Variants in SLCO5A1 observed in about 807,000 individuals in gnomAD.
SLCO5A1 encodes the protein solute carrier organic anion transporter family member 5A1.
Under a neutral mutation model 65.1 loss-of-function variants are expected in SLCO5A1, and 39 were observed. That is an observed-to-expected ratio of 0.60 (90% CI 0.46 to 0.78). The LOEUF is 0.78. Among genes scored for constraint, SLCO5A1 ranks in the 30% least tolerant of loss-of-function variants. The probability of loss-of-function intolerance (pLI) is 0.00; values close to 1 mark genes in which losing one functional copy is unlikely to be tolerated. For synonymous variants in SLCO5A1, 438 were observed against 415.7 expected (o/e 1.05, Z -0.65); for missense variants, 1,029 against 1,069.4 (o/e 0.96, Z 0.53).
chr8:69,767,897 AAAAAAAAAAAAAAAC>A (rs1181401228), intron 2 of SLCO5A1, among the ~76,000 whole-genome samples: 4 of 138,076 alleles, frequency 2.9e-5, no homozygotes, highest in Non-Finnish European at 6.0e-5. Context: ...CTCAAAAAAA[AAAAAAAAAAAAAAAC>A]AAAAAGAAAA....
chr8:69,756,490 C>T (rs1817547257), intron 3 of SLCO5A1, among the ~76,000 whole-genome samples: 1 of 152,190 alleles, frequency 6.6e-6, no homozygotes, highest in Admixed American at 6.5e-5. Flanking sequence ...CCAACAAAGA[C>T]ATTTAAACTT....
chr8:69,752,609 A>G (rs566672710), intron 4 of SLCO5A1, among the ~76,000 whole-genome samples: 1 of 150,938 alleles, frequency 6.6e-6, no homozygotes, highest in Non-Finnish European at 1.5e-5. Flanking sequence ...CTAATTGAAC[A>G]TCATTTTATA....
intron 2 of SLCO5A1, among the ~76,000 whole-genome samples, chr8:69,771,994 G>C (rs931915493): frequency 2.0e-5 from 3 of 152,138 alleles, no homozygotes; most frequent in African/African-American, 7.2e-5. Context: ...TCTAGAGATG[G>C]GGAGAAATTG....
At chr8:69,742,168 G>A (rs1816813058) in intron 4 of SLCO5A1, among the ~76,000 whole-genome samples, 1 of 152,158 alleles carries the variant, frequency 6.6e-6, no homozygotes, top group South Asian at 2.1e-4. Context: ...GGGTACACTG[G>A]TGCCCTGTGC....
intron 2 of SLCO5A1, among the ~76,000 whole-genome samples, chr8:69,811,367 AG>A (rs1820199641): frequency 6.6e-6 from 1 of 152,156 alleles, no homozygotes; most frequent in Non-Finnish European, 1.5e-5. Flanking sequence ...ATAACCTGAA[AG>A]CTTCGTCTTC....
chr8:69,822,409 G>C (rs1056537763), intron 2 of SLCO5A1, among the ~76,000 whole-genome samples: 1 of 152,198 alleles, frequency 6.6e-6, no homozygotes, highest in Non-Finnish European at 1.5e-5. Context: ...ATAAAACCTT[G>C]AGTCCTGAGA....
intron 4 of SLCO5A1, among the ~76,000 whole-genome samples, chr8:69,743,537 T>C (rs548286744): frequency 6.3e-3 from 954 of 152,216 alleles, no homozygotes; most frequent in Non-Finnish European, 0.01. Flanking sequence ...AAGCACCAAC[T>C]TCGGTGAACC....
intron 4 of SLCO5A1, among the ~76,000 whole-genome samples, chr8:69,742,597 T>C (rs1816832742): frequency 6.6e-6 from 1 of 152,118 alleles, no homozygotes; most frequent in African/African-American, 2.4e-5. Context: ...GTTAATAGCA[T>C]TGGCAGATCA....
chr8:69,686,551 T>A (rs927986544), intron 6 of SLCO5A1, among the ~76,000 whole-genome samples: 1 of 152,216 alleles, frequency 6.6e-6, no homozygotes, highest in Non-Finnish European at 1.5e-5. Context: ...GTCTCATTCA[T>A]TCCCCATGAG....
At chr8:69,773,475 G>A (rs1818426667) in intron 2 of SLCO5A1, among the ~76,000 whole-genome samples, 1 of 152,100 alleles carries the variant, frequency 6.6e-6, no homozygotes, top group Non-Finnish European at 1.5e-5. Flanking sequence ...CCAGTCATTG[G>A]GATTCAGTTG....
intron 2 of SLCO5A1, among the ~76,000 whole-genome samples, chr8:69,801,290 A>G (rs1819725006): frequency 6.6e-6 from 1 of 152,246 alleles, no homozygotes; most frequent in African/African-American, 2.4e-5. Context: ...ACCTTAAGGA[A>G]TATTTGGATC....
intron 3 of SLCO5A1, among the ~76,000 whole-genome samples, chr8:69,758,369 G>C (rs1365785925): frequency 6.6e-6 from 1 of 151,786 alleles, no homozygotes. Context: ...AGAGAAGTGG[G>C]GGGTCTCACT....
At chr8:69,678,803 A>G (rs935031235) in intron 8 of SLCO5A1, among the ~76,000 whole-genome samples, 1 of 151,636 alleles carries the variant, frequency 6.6e-6, no homozygotes, top group African/African-American at 2.4e-5. Flanking sequence ...AAAAACTGAA[A>G]AAAAAAAAAA....
chr8:69,832,158 G>A lies in SLCO5A1; in HGVS notation c.516C>T (p.Ser172=). Residue 172 remains serine, a synonymous_variant, in exon 2 of 10, where the codon AGC becomes AGT. Coordinates refer to ENST00000260126, the MANE Select transcript of SLCO5A1 (RefSeq NM_030958.3). The surrounding 1 kb of genome is among the most constrained non-coding windows in gnomAD (Gnocchi z 4.5). The stretch of plus-strand genomic sequence containing the variant: ...CCACCAGGTTCCCGATGTCAAAGCA[G>A]CTGACCAGCAGCCCCGACTCGGAAC... ...LKSSESGLLV[S]CFDIGNLVVV... The A allele has an allele frequency of 6.2e-7, 1 of 1,614,208 alleles. No homozygotes were observed. The highest frequency in any genetic ancestry group is 8.5e-7 in the Non-Finnish European group (1 of 1,180,048).
chr8:69,776,651 C>T (rs1209886937), intron 2 of SLCO5A1, among the ~76,000 whole-genome samples: 4 of 152,100 alleles, frequency 2.6e-5, no homozygotes, highest in Admixed American at 1.3e-4. Context: ...GATCATGCCA[C>T]TGCACTCCAG....
In SLCO5A1 at chr8:69,741,220, T is replaced by C. The variant is rs1030376056; in HGVS notation, c.1259-3016A>G. Reference sequence around the variant, plus strand: ...GTTCCTAAAGTGCAAAAGACTATGATGTGCCTTACGGAGAAAATACTCATG... The same window carrying C: ...GTTCCTAAAGTGCAAAAGACTATGACGTGCCTTACGGAGAAAATACTCATG... On this transcript the variant is annotated intron_variant, in intron 4 of 9. Transcript: ENST00000260126. 2.0e-5 allele frequency among the ~76,000 whole-genome samples: 3 copies of C among 152,232 alleles called. No individual in the cohort carries two copies. In the East Asian group the frequency reaches 5.8e-4, roughly 29 times the overall value.
rs1813378798 is a variant in SLCO5A1, at chr8:69,672,780, A to AG, written c.*88_*89insC. On this transcript the variant is annotated 3_prime_UTR_variant, in exon 10 of 10. Coordinates refer to ENST00000260126, the MANE Select transcript of SLCO5A1 (RefSeq NM_030958.3). ...AGGATTGTGTCTGTAGAGGTTAAAA[A>AG]AAAGAAAGAAAGAAAAGAAGGCACA... The AG allele has an allele frequency of 1.8e-5, 25 of 1,408,656 alleles. 1 individual carries two copies. The East Asian group carries it at 5.6e-4, about 32-fold the overall frequency. 87.3% of individuals were successfully genotyped at this position (1,408,656 alleles called of 1,614,324 possible). A position where few individuals can be genotyped will look rare whatever the true frequency, so the allele number is the denominator to read the frequency against.
intron 7 of SLCO5A1, 85 bp downstream of exon 7, chr8:69,682,099 G>C (rs1447262762): frequency 7.1e-7 from 1 of 1,404,966 alleles, no homozygotes; most frequent in African/African-American, 1.5e-5. Flanking sequence ...AAAGACTGAA[G>C]TCATTGTAGC....
intron 5 of SLCO5A1, among the ~76,000 whole-genome samples, chr8:69,707,737 C>G (rs1487059012): frequency 1.3e-5 from 2 of 152,110 alleles, no homozygotes; most frequent in African/African-American, 2.4e-5. Flanking sequence ...TCCTTGTGAG[C>G]CACAGTAGGG....
Sources: allele counts gnomAD v4.1 joint callset (sites outside exome capture counted in the v4.1 genomes callset), GRCh38; gene constraint gnomAD v4.1.1; non-coding constraint Gnocchi (gnomAD v3.1); transcripts MANE v1.5; gene names NCBI Gene and HGNC (gene_info 2026-07-23, HGNC 2026-07-21).